Variants in RAPSN observed in about 807,000 individuals in gnomAD.
The protein encoded by RAPSN is receptor associated protein of the synapse, also known as 43 kDa receptor-associated protein of the synapse.
Under a neutral mutation model 45.7 loss-of-function variants are expected in RAPSN, and 33 were observed. The observed-to-expected ratio is 0.72, with a 90% CI of 0.55 to 0.97. The LOEUF is 0.97. RAPSN is among the 50% of genes least tolerant of loss of function. RAPSN has a pLI of 0.00. For missense variants in RAPSN, 519 were observed against 559.4 expected (o/e 0.93, Z 0.73); for synonymous variants, 244 against 233.6 (o/e 1.04, Z -0.40).
At position 47,447,837 on chromosome 11, in the gene RAPSN, A is replaced by G. The variant is rs1447917445; in HGVS notation, c.506T>C (p.Leu169Pro). 10 of 1,613,094 alleles carry G rather than the reference A, an allele frequency of 6.2e-6. No individual in the cohort carries two copies. Among genetic ancestry groups the G allele is most frequent in the Non-Finnish European group, 8.5e-6 (10 of 1,179,690 alleles). Residue 169 changes from leucine to proline, a missense_variant, in exon 2 of 8, where the codon CTG becomes CCG. Coordinates refer to ENST00000298854, the MANE Select transcript of RAPSN (RefSeq NM_005055.5). ...CTTGACCTGGGCATAGAAGCTGCCCAGGCTGCAGCACACGCGGCACTCGAG... is the reference window on the plus strand; with the variant it reads ...CTTGACCTGGGCATAGAAGCTGCCCGGGCTGCAGCACACGCGGCACTCGAG... ...AMLECRVCCS[L>P]GSFYAQVKDY... is the part of the protein sequence containing the mutation.
In RAPSN at chr11:47,448,758, G is replaced by A. The variant is rs1188986122; in HGVS notation, c.192+15C>T. On this transcript the variant is annotated intron_variant, in intron 1 of 7. Transcript: ENST00000298854. Reference sequence around the variant, plus strand: ...CAGCCTGACCCTCGAACGCCCCCAGGCCGGGTACACCCACCTTCAGCATCT... The same window carrying A: ...CAGCCTGACCCTCGAACGCCCCCAGACCGGGTACACCCACCTTCAGCATCT... 10 of 1,606,416 alleles carry A rather than the reference G, an allele frequency of 6.2e-6. No homozygotes were observed. Among genetic ancestry groups the A allele is most frequent in the South Asian group, 1.1e-5 (1 of 91,074 alleles).
At chr11:47,441,248 GCTGT>G (rs758278813) in intron 5 of RAPSN, 36 bp from the exon 6 acceptor site, 2 of 1,611,402 alleles carry the variant, frequency 1.2e-6, no homozygotes, top group Non-Finnish European at 1.7e-6. Flanking sequence ...TGCGGGCAGA[GCTGT>G]CTGACAGGCC....
In RAPSN at chr11:47,447,839, G is replaced by T; in HGVS notation, c.504C>A (p.Ser168Arg). The T allele has an allele frequency of 6.2e-7, 1 of 1,613,154 alleles. No homozygotes were observed. Among genetic ancestry groups the T allele is most frequent in the South Asian group, 1.1e-5 (1 of 90,944 alleles). ...TGACCTGGGCATAGAAGCTGCCCAG[G>T]CTGCAGCACACGCGGCACTCGAGCA... ...DAMLECRVCC[S>R]LGSFYAQVKD... The change falls in exon 2 of 8, where the codon AGC becomes AGA. Residue 168 changes from serine to arginine, a missense_variant. Physicochemically the swap from Ser to Arg is moderately radical, Grantham distance 110 (BLOSUM62 -1). Transcript: ENST00000298854.
chr11:47,445,504 G>A (rs1039121411), intron 2 of RAPSN, among the ~76,000 whole-genome samples: 3 of 144,954 alleles, frequency 2.1e-5, no homozygotes, highest in Non-Finnish European at 4.5e-5. Flanking sequence ...GCTGAGCCAG[G>A]AGAATCGCTT....
At chr11:47,443,947 A>G (rs1259316015) in intron 2 of RAPSN, among the ~76,000 whole-genome samples, 1 of 149,336 alleles carries the variant, frequency 6.7e-6, no homozygotes, top group Non-Finnish European at 1.5e-5. Flanking sequence ...AAAAAAAAAA[A>G]AAAAAAAAAA....
At chr11:47,441,976 C>A in intron 3 of RAPSN, 55 bp from the exon 4 acceptor site, 1 of 1,506,792 alleles carries the variant, frequency 6.6e-7, no homozygotes, top group Non-Finnish European at 8.9e-7. Context: ...CACTGGAGTG[C>A]CCTCCCCTCA....
chr11:47,449,109 G>GA lies in RAPSN; in HGVS notation c.-146dup. 1 of 974,358 alleles carries GA rather than the reference G, an allele frequency of 1.0e-6. No homozygotes were observed. Among genetic ancestry groups the GA allele is most frequent in the Non-Finnish European group, 1.6e-6 (1 of 630,040 alleles). The allele number at this position is 974,358 out of a possible 1,614,324, so 60.4% of individuals were successfully genotyped here. ...CGGGTGGGAGCCGGAATGGGGCCTG[G>GA]ATGGAGAGCAGGCGCCACCCTGGGA... On this transcript the variant is annotated 5_prime_UTR_variant, in exon 1 of 8. Coordinates refer to ENST00000298854, the MANE Select transcript of RAPSN (RefSeq NM_005055.5).
Position 47,441,643 on chromosome 11 carries a change from T to G in RAPSN, c.880A>C (p.Lys294Gln). Residue 294 changes from lysine (K) to glutamine (Q), a missense_variant, in exon 5 of 8, where the codon AAG becomes CAG. Physicochemically the swap from Lys to Gln is moderately conservative, Grantham distance 53. Coordinates refer to ENST00000298854, the MANE Select transcript of RAPSN (RefSeq NM_005055.5). ...GQVQALLGVA[K>Q]CWVARKALDK... The stretch of plus-strand genomic sequence containing the variant: ...AGCGCCTTCCTGGCCACCCAGCACT[T>G]GGCCACACCCAGCAGCGCCTGCACC... The G allele has an allele frequency of 6.2e-7, 1 of 1,608,992 alleles. No homozygotes were observed. Among genetic ancestry groups the G allele is most frequent in the Non-Finnish European group, 8.5e-7 (1 of 1,179,744 alleles).
intron 1 of RAPSN, 63 bp from the exon 2 acceptor site, chr11:47,448,213 T>C: frequency 6.4e-7 from 1 of 1,559,472 alleles, no homozygotes; most frequent in Non-Finnish European, 8.7e-7. Context: ...GACCCCAGCC[T>C]GCACTGCAGG....
intron 2 of RAPSN, 80 bp downstream of exon 2, chr11:47,447,732 G>C (rs2076419059): frequency 1.4e-6 from 2 of 1,444,120 alleles, no homozygotes; most frequent in Non-Finnish European, 1.9e-6. Context: ...GGCTGAATGA[G>C]GTAGTGCCAC....
Position 47,448,139 on chromosome 11 carries a change from G to T in RAPSN, c.204C>A (p.Val68=), listed in dbSNP as rs745392568. 6.2e-7 allele frequency: 1 copy of T among 1,611,540 alleles called. No homozygotes were observed. The highest frequency in any genetic ancestry group is 1.1e-5 in the South Asian group (1 of 91,064). ...RYKEMLKFAV[V]QIDTARELED... is the part of the protein sequence containing the mutation. The stretch of plus-strand genomic sequence containing the variant: ...CCAGCTCCCGGGCCGTGTCGATCTG[G>T]ACCACAGCGAACTGCACACAGCGAC... Residue 68 remains valine, a synonymous_variant, in exon 2 of 8, where the codon GTC becomes GTA. Coordinates refer to ENST00000298854, the MANE Select transcript of RAPSN (RefSeq NM_005055.5).
Position 47,438,833 on chromosome 11 carries a change from G to A in RAPSN, c.1065C>T (p.Cys355=), listed in dbSNP as rs763094966. The A allele has an allele frequency of 1.5e-5, 23 of 1,573,606 alleles. No homozygotes were observed. The East Asian group carries it at 2.6e-4, about 17-fold the overall frequency. ...LRAHVVRFHE[C]VEETELYCGL... is the part of the protein sequence containing the mutation. ...CGCAGTAGAGCTCCGTCTCCTCCAC[G>A]CACTCGTGGAACCTCACAACGTGCG... is the stretch of plus-strand genomic sequence containing the variant. Residue 355 remains cysteine, a synonymous_variant, in exon 7 of 8, where the codon TGC becomes TGT. Coordinates refer to ENST00000298854, the MANE Select transcript of RAPSN (RefSeq NM_005055.5).
chr11:47,443,250 T>C (rs1159555742), intron 2 of RAPSN, among the ~76,000 whole-genome samples: 2 of 152,122 alleles, frequency 1.3e-5, no homozygotes, highest in African/African-American at 4.8e-5. Flanking sequence ...TCACTGAAGC[T>C]CAGTGGCAGA....
At position 47,441,698 on chromosome 11, in the gene RAPSN, G is replaced by A. The variant is rs1198578005; in HGVS notation, c.825C>T (p.Ile275=). The change falls in exon 5 of 8, where the codon ATC becomes ATT. Residue 275 remains isoleucine, a synonymous_variant. Coordinates refer to ENST00000298854, the MANE Select transcript of RAPSN (RefSeq NM_005055.5). ...CCAGGCGGTTTCCGATCTCGGTCAT[G>A]ATGCTCATGGCGGAGTCGTACCTGG... ...AFPRYDSAMS[I]MTEIGNRLGQ... 2 of 1,609,278 alleles carry A rather than the reference G, an allele frequency of 1.2e-6. No homozygotes were observed. Among genetic ancestry groups the A allele is most frequent in the Non-Finnish European group, 1.7e-6 (2 of 1,179,924 alleles).
Position 47,448,892 on chromosome 11 carries a change from C to T in RAPSN, c.73G>A (p.Ala25Thr). The T allele has an allele frequency of 1.2e-6, 2 of 1,614,244 alleles. No individual in the cohort carries two copies. Among genetic ancestry groups the T allele is most frequent in the Non-Finnish European group, 1.7e-6 (2 of 1,180,046 alleles). Residue 25 changes from alanine to threonine, a missense_variant, in exon 1 of 8, where the codon GCA becomes ACA. Physicochemically the swap from Ala to Thr is moderately conservative, Grantham distance 58 (BLOSUM62 0). Transcript: ENST00000298854. The stretch of plus-strand genomic sequence containing the variant: ...AGCACCTTTGTCCACACCTGCAATG[C>T]CTTCTCTGTCTGGTTGGACTGGTAC... ...QLYQSNQTEK[A>T]LQVWTKVLEK...
chr11:47,444,857 C>CAAAAAAAAAAAAAAAAAAAAAAATAA (rs10611957), intron 2 of RAPSN, among the ~76,000 whole-genome samples: 1 of 80,726 alleles, frequency 1.2e-5, no homozygotes, highest in African/African-American at 5.4e-5. Context: ...GACACTGTCT[C>CAAAAAAAAAAAAAAAAAAAAAAATAA]AAAAAAAAAA....
chr11:47,438,667 G>A (rs1393620123), intron 7 of RAPSN, 65 bp downstream of exon 7: 1 of 1,526,928 alleles, frequency 6.5e-7, no homozygotes, highest in Admixed American at 2.0e-5. Context: ...GATTAAGCCA[G>A]CTGGGCCCTA....
In RAPSN at chr11:47,441,652, C is replaced by T. The variant is rs759126923; in HGVS notation, c.871G>A (p.Gly291Ser). The change falls in exon 5 of 8, where the codon GGT becomes AGT. Residue 291 changes from glycine (G) to serine (S), a missense_variant. Gly to Ser is a moderately conservative substitution (Grantham distance 56). Coordinates refer to ENST00000298854, the MANE Select transcript of RAPSN (RefSeq NM_005055.5). Reference sequence around the variant, plus strand: ...CTGGCCACCCAGCACTTGGCCACACCCAGCAGCGCCTGCACCTGCCCCAGG... The same window carrying T: ...CTGGCCACCCAGCACTTGGCCACACTCAGCAGCGCCTGCACCTGCCCCAGG... ...NRLGQVQALL[G>S]VAKCWVARKA... 1.9e-6 allele frequency: 3 copies of T among 1,609,230 alleles called. No homozygotes were observed. The highest frequency in any genetic ancestry group is 2.5e-6 in the Non-Finnish European group (3 of 1,179,788).
chr11:47,446,725 T>C (rs917900660), intron 2 of RAPSN, among the ~76,000 whole-genome samples: 7 of 152,080 alleles, frequency 4.6e-5, no homozygotes, highest in Non-Finnish European at 8.8e-5. Context: ...GCCAACATGG[T>C]GAAACCCCAT....
Sources: allele counts gnomAD v4.1 joint callset (sites outside exome capture counted in the v4.1 genomes callset), GRCh38; gene constraint gnomAD v4.1.1; transcripts MANE v1.5; gene names NCBI Gene and HGNC (gene_info 2026-07-23, HGNC 2026-07-21).